The following DNAH14 variants were observed in gnomAD, a reference collection of about 807,000 sequenced individuals.
DNAH14 encodes axonemal beta dynein heavy chain 14.
DNAH14 carries 478 observed loss-of-function variants against 520.9 expected under a neutral mutation model. The observed-to-expected ratio is 0.92, with a 90% CI of 0.85 to 0.99. The LOEUF (loss-of-function observed/expected upper bound fraction) is 0.99, where lower values mean the gene tolerates loss of function less well. Ranked by LOEUF, DNAH14 falls within the 50% of genes least tolerant of loss-of-function variation. DNAH14 has a pLI of 0.00. For missense variants in DNAH14, 4,831 were observed against 5,234.5 expected, an observed-to-expected ratio of 0.92 and a Z score of 2.38; for synonymous variants, 1,581 against 1,757.2, an observed-to-expected ratio of 0.90 and a Z score of 2.51.
In DNAH14 at chr1:225,131,635, G is replaced by A. The variant is rs74147115; in HGVS notation, c.4254+8021G>A. On this transcript the variant is annotated intron_variant, in intron 27 of 85. Transcript: ENST00000682510. ...TGAAAAGTCCTTTTTGCCATTTAAGGTGACATATTCACAGGTTCTGGGAAT... is the reference window on the plus strand; with the variant it reads ...TGAAAAGTCCTTTTTGCCATTTAAGATGACATATTCACAGGTTCTGGGAAT... Among the ~76,000 whole-genome samples the A allele has an allele frequency of 2.7e-3, 418 of 152,136 alleles. 5 individuals are homozygous for A. Among genetic ancestry groups the A allele is most frequent in the African/African-American group, 9.5e-3 (395 of 41,516 alleles).
chr1:225,023,541 AAAC>A (rs1316564173), intron 10 of DNAH14, 71 bp from the exon 11 acceptor site: 10 of 1,280,710 alleles, frequency 7.8e-6, no homozygotes, highest in African/African-American at 1.5e-5. Context: ...TTGATAAAAA[AAAC>A]TAAACTAGAA....
intron 46 of DNAH14, among the ~76,000 whole-genome samples, chr1:225,262,009 A>G (rs2092951376): frequency 1.3e-5 from 2 of 152,084 alleles, no homozygotes; most frequent in African/African-American, 4.8e-5. Context: ...TTTTTTTTAT[A>G]TAAAGGGCAG....
intron 8 of DNAH14, among the ~76,000 whole-genome samples, chr1:224,976,030 GC>G (rs1230892248): frequency 6.6e-6 from 1 of 151,692 alleles, no homozygotes; most frequent in Non-Finnish European, 1.5e-5. Flanking sequence ...ATGTAGTTGA[GC>G]GGTTTTGAGT....
intron 38 of DNAH14, among the ~76,000 whole-genome samples, chr1:225,193,353 A>C (rs2085696066): frequency 6.6e-6 from 1 of 152,132 alleles, no homozygotes; most frequent in Non-Finnish European, 1.5e-5. Context: ...TTGCTGGTAA[A>C]TATCATTAGA....
chr1:225,333,565 C>G (rs2094846957), intron 66 of DNAH14, 59 bp downstream of exon 66: 4 of 1,432,820 alleles, frequency 2.8e-6, no homozygotes, highest in African/African-American at 1.4e-5. Flanking sequence ...TGGATTTTAG[C>G]TGTATGTGTA....
intron 2 of DNAH14, 83 bp downstream of exon 2, chr1:224,952,862 G>A: frequency 1.1e-6 from 1 of 923,212 alleles, no homozygotes; most frequent in Non-Finnish European, 1.6e-6. Flanking sequence ...CATTCTGACA[G>A]TGAAAGACTT....
At chr1:224,968,660 A>G (rs766111887) in intron 6 of DNAH14, 99 bp from the exon 7 acceptor site, 1 of 751,288 alleles carries the variant, frequency 1.3e-6, no homozygotes, top group African/African-American at 1.9e-5. Context: ...GCAAGAAGTT[A>G]CAAGAAGTTA....
At chr1:224,984,049 A>G (rs1245910583) in intron 8 of DNAH14, among the ~76,000 whole-genome samples, 2 of 152,138 alleles carry the variant, frequency 1.3e-5, no homozygotes, top group African/African-American at 4.8e-5. Context: ...CAATTCTAAA[A>G]TTCATATGGA....
At chr1:225,108,030 T>G (rs1490537863) in intron 23 of DNAH14, among the ~76,000 whole-genome samples, 9 of 152,176 alleles carry the variant, frequency 5.9e-5, no homozygotes, top group Admixed American at 5.2e-4. Context: ...TTTGAGTCAG[T>G]GGACTGGGAG....
chr1:225,308,508 A>G (rs2150114300), intron 60 of DNAH14, 98 bp downstream of exon 60: 1 of 1,194,434 alleles, frequency 8.4e-7, no homozygotes, highest in Non-Finnish European at 1.1e-6. Context: ...TCTTAAATAC[A>G]TAGTGCCCCA....
At chr1:225,236,831 C>G (rs1279670918) in intron 42 of DNAH14, among the ~76,000 whole-genome samples, 4 of 152,222 alleles carry the variant, frequency 2.6e-5, no homozygotes, top group South Asian at 2.1e-4. Context: ...TTGTTTGTGT[C>G]CACTCTGATT....
intron 17 of DNAH14, among the ~76,000 whole-genome samples, chr1:225,064,982 A>G (rs886487821): frequency 5.3e-5 from 8 of 152,054 alleles, no homozygotes; most frequent in African/African-American, 1.9e-4. Context: ...GTATTAATGT[A>G]GATACCCTGT....
chr1:225,199,718 A>G (rs1351949291), intron 38 of DNAH14, among the ~76,000 whole-genome samples: 2 of 152,084 alleles, frequency 1.3e-5, no homozygotes, highest in African/African-American at 2.4e-5. Flanking sequence ...TATAATTTCA[A>G]CTTTCTTAAA....
At chr1:225,189,409 CTT>C (rs1459729964) in intron 37 of DNAH14, among the ~76,000 whole-genome samples, 16 of 125,674 alleles carry the variant, frequency 1.3e-4, no homozygotes, top group Admixed American at 4.9e-4. Flanking sequence ...AGTTTTCTTT[CTT>C]TTCTTTTTTT....
At chr1:225,033,758 G>A (rs1215608800) in intron 11 of DNAH14, among the ~76,000 whole-genome samples, 1 of 151,948 alleles carries the variant, frequency 6.6e-6, no homozygotes, top group Non-Finnish European at 1.5e-5. Flanking sequence ...GCAGTGTTTT[G>A]TAATTCTCTT....
At position 225,393,685 on chromosome 1, in the gene DNAH14, A is replaced by T. The variant is rs1006422365; in HGVS notation, c.13491+1234A>T. On this transcript the variant is annotated intron_variant, in intron 84 of 85. Transcript: ENST00000682510. Reference sequence around the variant, plus strand: ...GTAGATACTGCCAAATGGTTTTTCAATGTGGTTGTACCAATCCACAGGCCC... The same window carrying T: ...GTAGATACTGCCAAATGGTTTTTCATTGTGGTTGTACCAATCCACAGGCCC... Among the ~76,000 whole-genome samples, 5 of 151,962 alleles carry T rather than the reference A, an allele frequency of 3.3e-5. No homozygotes were observed. The South Asian group carries it at 1.0e-3, about 32-fold the overall frequency.
In DNAH14 at chr1:225,083,975, G is replaced by A. The variant is rs182771919; in HGVS notation, c.3327+1236G>A. 3.6e-3 allele frequency among the ~76,000 whole-genome samples: 551 copies of A among 152,250 alleles called. 2 individuals are homozygous for A. Among genetic ancestry groups the A allele is most frequent in the Middle Eastern group, 6.8e-3 (2 of 294 alleles). On this transcript the variant is annotated intron_variant, in intron 20 of 85. Coordinates refer to ENST00000682510, the MANE Select transcript of DNAH14 (RefSeq NM_001367479.1). Reference sequence around the variant, plus strand: ...ATGTAGCAGCAAGCTATAAAAGTTAGGGTAGATAGGTACATATGATAGCAG... The same window carrying A: ...ATGTAGCAGCAAGCTATAAAAGTTAAGGTAGATAGGTACATATGATAGCAG...
intron 26 of DNAH14, 129 bp downstream of exon 26, chr1:225,119,423 G>T: frequency 1.8e-6 from 1 of 568,732 alleles, no homozygotes; most frequent in Non-Finnish European, 2.7e-6. Context: ...AAAAGAATAT[G>T]GAGTCAAATC....
chr1:225,148,656 T>C (rs993894569), intron 31 of DNAH14, among the ~76,000 whole-genome samples: 9 of 152,124 alleles, frequency 5.9e-5, no homozygotes, highest in African/African-American at 2.2e-4. Context: ...CTCCTTGGCC[T>C]CTCAAAGTGC....
Sources: allele counts gnomAD v4.1 joint callset (sites outside exome capture counted in the v4.1 genomes callset), GRCh38; gene constraint gnomAD v4.1.1; transcripts MANE v1.5; gene names NCBI Gene and HGNC (gene_info 2026-07-23, HGNC 2026-07-21).